CASQ2: variants seen among roughly 807,000 people sequenced by gnomAD.
The protein encoded by CASQ2 is calsequestrin-2.
In CASQ2, 49 loss-of-function variants were observed where a neutral mutation model predicts 46.5. The ratio of observed to expected loss-of-function variants is 1.05; its 90% confidence interval spans 0.84 to 1.34. CASQ2 has a LOEUF of 1.34. CASQ2 is among the 40% of genes most tolerant of loss of function. The probability of loss-of-function intolerance (pLI) is 0.00; values close to 1 mark genes in which losing one functional copy is unlikely to be tolerated. For synonymous variants in CASQ2, 174 were observed against 168.5 expected (o/e 1.03, Z -0.25); for missense variants, 486 against 481.3 (o/e 1.01, Z -0.09).
intron 8 of CASQ2, among the ~76,000 whole-genome samples, chr1:115,715,628 C>T (rs1029407908): frequency 1.3e-5 from 2 of 152,160 alleles, no homozygotes; most frequent in African/African-American, 4.8e-5. Flanking sequence ...GTTTGCACAA[C>T]TTTGTGAATG....
chr1:115,753,060 A>G (rs1557803188), intron 1 of CASQ2, among the ~76,000 whole-genome samples: 1 of 152,220 alleles, frequency 6.6e-6, no homozygotes, highest in African/African-American at 2.4e-5. Flanking sequence ...AACAAAGTGG[A>G]GGACACACAG....
intron 1 of CASQ2, among the ~76,000 whole-genome samples, chr1:115,763,918 A>T (rs1329613452): frequency 2.6e-5 from 4 of 152,152 alleles, no homozygotes; most frequent in Admixed American, 6.5e-5. Flanking sequence ...AAACTGAATT[A>T]CCTGCCCATG....
chr1:115,706,609 TC>T (rs1654370776), intron 8 of CASQ2, among the ~76,000 whole-genome samples: 1 of 152,364 alleles, frequency 6.6e-6, no homozygotes, highest in South Asian at 2.1e-4. Context: ...TAGGTTCAGT[TC>T]TAAATAATAA....
At chr1:115,721,291 G>C (rs966929630) in intron 7 of CASQ2, among the ~76,000 whole-genome samples, 2 of 152,128 alleles carry the variant, frequency 1.3e-5, no homozygotes, top group African/African-American at 4.8e-5. Context: ...TGACAGATCA[G>C]CACTGGGTCT....
intron 1 of CASQ2, among the ~76,000 whole-genome samples, chr1:115,752,303 T>C (rs1648610127): frequency 6.6e-6 from 1 of 152,246 alleles, no homozygotes; most frequent in Non-Finnish European, 1.5e-5. Context: ...TATATGATTC[T>C]TTGTCTAGCA....
At chr1:115,747,767 A>C (rs1376715443) in intron 1 of CASQ2, among the ~76,000 whole-genome samples, 1 of 152,184 alleles carries the variant, frequency 6.6e-6, no homozygotes, top group Non-Finnish European at 1.5e-5. Flanking sequence ...TTTCATGTCC[A>C]TGTGTTTATT....
chr1:115,729,928 G>A (rs375330042), intron 5 of CASQ2, among the ~76,000 whole-genome samples: 67 of 152,334 alleles, frequency 4.4e-4, no homozygotes, highest in African/African-American at 1.5e-3. Flanking sequence ...GAGAGGAACA[G>A]GTCAGTGGGC....
chr1:115,754,257 C>G (rs544073863), intron 1 of CASQ2, among the ~76,000 whole-genome samples: 1 of 152,124 alleles, frequency 6.6e-6, no homozygotes, highest in Non-Finnish European at 1.5e-5. Context: ...AAGCGAGTAT[C>G]GGGGGCCTCT....
rs936290387 is a variant in CASQ2, at chr1:115,706,024, G to A, written c.839-732C>T. Among the ~76,000 whole-genome samples, 25 of 152,240 alleles carry A rather than the reference G, an allele frequency of 1.6e-4. No individual in the cohort carries two copies. In the East Asian group the frequency reaches 2.7e-3, roughly 16 times the overall value. On this transcript the variant is annotated intron_variant, in intron 8 of 10. Coordinates refer to ENST00000261448, the MANE Select transcript of CASQ2 (RefSeq NM_001232.4). ...CCATAAACAAAAATTTTAGGAGAAC[G>A]TTTAGTAAGAGATAGCATACTCTCA...
chr1:115,744,960 T>C (rs764261038), intron 1 of CASQ2, 48 bp from the exon 2 acceptor site: 2 of 1,282,570 alleles, frequency 1.6e-6, no homozygotes, highest in Admixed American at 1.7e-5. Context: ...AGAAAGATGG[T>C]AGAAAATATT....
At chr1:115,714,931 G>A (rs941389629) in intron 8 of CASQ2, among the ~76,000 whole-genome samples, 1 of 152,226 alleles carries the variant, frequency 6.6e-6, no homozygotes, top group Non-Finnish European at 1.5e-5. Context: ...GGAGGTGGAA[G>A]TAGTTTCTGG....
intron 9 of CASQ2, among the ~76,000 whole-genome samples, chr1:115,704,851 T>C (rs925191205): frequency 6.6e-6 from 1 of 152,144 alleles, no homozygotes; most frequent in Non-Finnish European, 1.5e-5. Context: ...AGAACGATGG[T>C]CCCCACCCAG....
rs1654188948 is a variant in CASQ2, at chr1:115,701,106, G to A, written c.*135C>T. The A allele has an allele frequency of 7.5e-7, 1 of 1,335,924 alleles. No individual in the cohort carries two copies. Among genetic ancestry groups the A allele is most frequent in the Non-Finnish European group, 1.1e-6 (1 of 930,350 alleles). 82.8% of individuals were successfully genotyped at this position (1,335,924 alleles called of 1,614,324 possible). A position where few individuals can be genotyped will look rare whatever the true frequency, so the allele number is the denominator to read the frequency against. ...AATGATGCTGCTCCTGACGCAAAGG[G>A]AGTGGGAAAAGAGATGATGGAAAAG... On this transcript the variant is annotated 3_prime_UTR_variant, in exon 11 of 11. Transcript: ENST00000261448.
intron 1 of CASQ2, among the ~76,000 whole-genome samples, chr1:115,762,748 T>C (rs989141492): frequency 1.3e-5 from 2 of 152,188 alleles, no homozygotes; most frequent in Non-Finnish European, 2.9e-5. Context: ...TTTTTCAGGC[T>C]GGAATGCTGG....
At chr1:115,731,763 C>T (rs1647791793) in intron 5 of CASQ2, among the ~76,000 whole-genome samples, 2 of 152,306 alleles carry the variant, frequency 1.3e-5, no homozygotes, top group South Asian at 4.1e-4. Context: ...GTTTCATCCT[C>T]TGTAGAATGA....
chr1:115,743,232 T>TATTC (rs1553195642), intron 2 of CASQ2, among the ~76,000 whole-genome samples: 63 of 147,488 alleles, frequency 4.3e-4, no homozygotes, highest in African/African-American at 1.5e-3. Flanking sequence ...TTTATTTATT[T>TATTC]ATTCATTCAT....
chr1:115,713,270 G>A (rs763924724), intron 8 of CASQ2, among the ~76,000 whole-genome samples: 43 of 152,190 alleles, frequency 2.8e-4, no homozygotes, highest in Non-Finnish European at 2.6e-4. Flanking sequence ...CCTGTCAGAC[G>A]AGCGGCTCTG....
intron 1 of CASQ2, among the ~76,000 whole-genome samples, chr1:115,746,743 A>G (rs909639895): frequency 2.6e-5 from 4 of 152,094 alleles, no homozygotes; most frequent in African/African-American, 9.7e-5. Context: ...TATATGGTTT[A>G]CAAGCATTTT....
At chr1:115,730,630 A>C (rs886216701) in intron 5 of CASQ2, among the ~76,000 whole-genome samples, 23 of 152,156 alleles carry the variant, frequency 1.5e-4, no homozygotes, top group Non-Finnish European at 2.1e-4. Context: ...GGATTTCCTA[A>C]TGTTTTCAGT....
Sources: allele counts gnomAD v4.1 joint callset (sites outside exome capture counted in the v4.1 genomes callset), GRCh38; gene constraint gnomAD v4.1.1; transcripts MANE v1.5; gene names NCBI Gene and HGNC (gene_info 2026-07-23, HGNC 2026-07-21).